PIAS1: variants seen among roughly 807,000 people sequenced by gnomAD.
The protein encoded by PIAS1 is E3 SUMO-protein ligase PIAS1.
PIAS1 carries 6 observed loss-of-function variants against 71.3 expected under a neutral mutation model. The ratio of observed to expected loss-of-function variants is 0.08; its 90% CI spans 0.05 to 0.17. The LOEUF (loss-of-function observed/expected upper bound fraction) is 0.17, where lower values mean the gene tolerates loss of function less well. Ranked by LOEUF, PIAS1 falls within the 10% of genes least tolerant of loss-of-function variation. The pLI is 1.00. For missense variants in PIAS1, 555 were observed against 793.6 expected (o/e 0.70, Z 3.61); for synonymous variants, 303 against 292.9 (o/e 1.03, Z -0.35).
chr15:68,089,134 T>C (rs2092312259), intron 2 of PIAS1, among the ~76,000 whole-genome samples: 1 of 152,230 alleles, frequency 6.6e-6, no homozygotes, highest in Non-Finnish European at 1.5e-5. Context: ...AAACTGAATG[T>C]TTTTATGCAT....
chr15:68,184,583 A>G (rs1327273219), intron 13 of PIAS1: 1 of 152,278 alleles, frequency 6.6e-6, no homozygotes, highest in African/African-American at 2.4e-5. Context: ...AAGAATCATT[A>G]TTCATTATGT....
intron 1 of PIAS1, among the ~76,000 whole-genome samples, chr15:68,071,255 G>A (rs1323341621): frequency 9.2e-6 from 1 of 109,204 alleles, no homozygotes; most frequent in Non-Finnish European, 1.8e-5. Flanking sequence ...TAACCCCAGG[G>A]AGTTTGCTTC....
intron 2 of PIAS1, among the ~76,000 whole-genome samples, chr15:68,128,206 C>T (rs1339228320): frequency 1.3e-5 from 2 of 152,162 alleles, no homozygotes; most frequent in African/African-American, 4.8e-5. Context: ...CACTCTGCCG[C>T]CCATACTAGA....
intron 4 of PIAS1, among the ~76,000 whole-genome samples, chr15:68,145,546 G>C (rs921106562): frequency 2.6e-5 from 4 of 152,054 alleles, no homozygotes; most frequent in African/African-American, 9.7e-5. Flanking sequence ...AGAAACTAGT[G>C]CTTCTCAGAA....
At chr15:68,181,616 T>A in intron 12 of PIAS1, 1 of 319,428 alleles carries the variant, frequency 3.1e-6, no homozygotes, top group South Asian at 4.7e-5. Context: ...CTGAGTACTC[T>A]GCAAATTGTT....
chr15:68,063,593 CAT>C (rs949436654), intron 1 of PIAS1, among the ~76,000 whole-genome samples: 56 of 152,232 alleles, frequency 3.7e-4, no homozygotes, highest in African/African-American at 7.7e-4. Flanking sequence ...TATATTATCA[CAT>C]ATGTGTGTAT....
chr15:68,122,054 G>A (rs563377520), intron 2 of PIAS1, among the ~76,000 whole-genome samples: 1 of 152,260 alleles, frequency 6.6e-6, no homozygotes, highest in Admixed American at 6.5e-5. Context: ...ACTTGAGCCT[G>A]GAAGATGGAG....
chr15:68,098,291 G>T (rs2140995169), intron 2 of PIAS1, among the ~76,000 whole-genome samples: 1 of 152,266 alleles, frequency 6.6e-6, no homozygotes, highest in East Asian at 1.9e-4. Flanking sequence ...AGCAAAGTAA[G>T]CTAGAGAAAA....
At chr15:68,064,203 A>G (rs1031331572) in intron 1 of PIAS1, among the ~76,000 whole-genome samples, 2 of 152,186 alleles carry the variant, frequency 1.3e-5, no homozygotes, top group Non-Finnish European at 2.9e-5. Flanking sequence ...ATGAAAATAA[A>G]CAAAGTGTGC....
intron 7 of PIAS1, 187 bp downstream of exon 7, chr15:68,153,882 A>C (rs1281793871): frequency 2.6e-6 from 1 of 384,336 alleles, no homozygotes; most frequent in Non-Finnish European, 4.7e-6. Flanking sequence ...CTTAAAATTA[A>C]CTTTGTGAAG....
intron 1 of PIAS1, among the ~76,000 whole-genome samples, chr15:68,065,730 G>A (rs1345961961): frequency 2.8e-5 from 4 of 144,980 alleles, no homozygotes; most frequent in African/African-American, 1.0e-4. Context: ...GAATGTGCTT[G>A]AAGTACTTTT....
chr15:68,131,306 C>T (rs563203944), intron 2 of PIAS1, among the ~76,000 whole-genome samples: 7 of 152,226 alleles, frequency 4.6e-5, no homozygotes, highest in South Asian at 2.1e-4. Flanking sequence ...AGTGATGTTA[C>T]GATCTTCGAC....
intron 2 of PIAS1, among the ~76,000 whole-genome samples, chr15:68,100,564 C>T (rs774348198): frequency 6.6e-6 from 1 of 152,064 alleles, no homozygotes; most frequent in Non-Finnish European, 1.5e-5. Context: ...AGCTGAAGAA[C>T]ATTAGTGTAG....
chr15:68,064,620 G>T (rs1351450124), intron 1 of PIAS1, among the ~76,000 whole-genome samples: 1 of 152,164 alleles, frequency 6.6e-6, no homozygotes, highest in Non-Finnish European at 1.5e-5. Context: ...TTGTGTTTTG[G>T]TGAAGGATCA....
chr15:68,153,661 G>A lies in PIAS1; in HGVS notation c.900G>A (p.Lys300=), dbSNP rs766055837. 1.9e-6 allele frequency: 3 copies of A among 1,582,410 alleles called. No individual in the cohort carries two copies. Among genetic ancestry groups the A allele is most frequent in the Admixed American group, 3.3e-5 (2 of 59,950 alleles). ...STVLLQRLRA[K]GIRNPDHSRA... Reference sequence around the variant, plus strand: ...TTCTTCTTCAGAGGTTACGAGCAAAGGGAATAAGGAATCCGGATCATTCTA... The same window carrying A: ...TTCTTCTTCAGAGGTTACGAGCAAAAGGAATAAGGAATCCGGATCATTCTA... Residue 300 remains lysine (K), a synonymous_variant, in exon 7 of 14, where the codon AAG becomes AAA. Coordinates refer to ENST00000249636, the MANE Select transcript of PIAS1 (RefSeq NM_016166.3).
chr15:68,140,341 G>A (rs1319861987), intron 2 of PIAS1, among the ~76,000 whole-genome samples: 2 of 152,124 alleles, frequency 1.3e-5, no homozygotes, highest in African/African-American at 2.4e-5. Flanking sequence ...ATTTAAATTA[G>A]GCTAAGTCTA....
intron 12 of PIAS1, chr15:68,181,598 G>A (rs1399019522): frequency 1.5e-5 from 6 of 404,430 alleles, no homozygotes; most frequent in Non-Finnish European, 2.7e-5. Context: ...TTTAGTTTTT[G>A]TGAGCTCCTG....
At chr15:68,161,500 T>C (rs2092924190) in intron 7 of PIAS1, among the ~76,000 whole-genome samples, 1 of 152,068 alleles carries the variant, frequency 6.6e-6, no homozygotes, top group South Asian at 2.1e-4. Context: ...TTTTTTTTTT[T>C]TTTAATAGAA....
intron 1 of PIAS1, among the ~76,000 whole-genome samples, chr15:68,060,951 G>T (rs1046454609): frequency 2.0e-5 from 3 of 152,198 alleles, no homozygotes; most frequent in Non-Finnish European, 2.9e-5. Context: ...CAAAGTTCTG[G>T]GATTGTAGGC....
Sources: gnomAD v4.1 joint callset for allele counts (sites outside exome capture counted in the v4.1 genomes callset) on GRCh38, gnomAD v4.1.1 for gene constraint, MANE v1.5 for transcripts, NCBI Gene and HGNC (gene_info 2026-07-23, HGNC 2026-07-21) for gene names.